The following CDH18 variants were observed in gnomAD, a reference collection of about 807,000 sequenced individuals.
The protein encoded by CDH18 is cadherin-18.
Under a neutral mutation model 67.9 loss-of-function variants are expected in CDH18, and 31 were observed. That is an observed-to-expected ratio of 0.46 (90% CI 0.34 to 0.62). CDH18 has a LOEUF of 0.62. Ranked by LOEUF, CDH18 falls within the 20% of genes least tolerant of loss-of-function variation. CDH18 has a pLI of 0.01. For missense variants in CDH18, 890 were observed against 975.5 expected (o/e 0.91, Z 1.17); for synonymous variants, 362 against 347.2 (o/e 1.04, Z -0.48).
chr5:20,403,844 C>T (rs1166453230), intron 1 of CDH18, among the ~76,000 whole-genome samples: 9 of 152,168 alleles, frequency 5.9e-5, no homozygotes, highest in African/African-American at 2.2e-4. Context: ...GCTTTAAAAA[C>T]CAGGCATTTA....
intron 8 of CDH18, among the ~76,000 whole-genome samples, chr5:19,548,040 A>T (rs1367465704): frequency 2.0e-5 from 3 of 152,166 alleles, no homozygotes; most frequent in Non-Finnish European, 4.4e-5. Flanking sequence ...TAAAACTATT[A>T]ATCAAACCAT....
At chr5:19,713,197 G>A (rs1233994834) in intron 5 of CDH18, among the ~76,000 whole-genome samples, 1 of 151,826 alleles carries the variant, frequency 6.6e-6, no homozygotes, top group Non-Finnish European at 1.5e-5. Flanking sequence ...TCTTTTATTA[G>A]GAAGAAATAG....
chr5:19,549,710 AAAGGAAGAAAGG>A (rs1488011269), intron 8 of CDH18, among the ~76,000 whole-genome samples: 4 of 151,216 alleles, frequency 2.6e-5, no homozygotes, highest in Non-Finnish European at 5.9e-5. Context: ...AGAAAGAAAG[AAAGGAAGAAAGG>A]AAGGAAGAAA....
chr5:20,252,685 C>A (rs888408259), intron 2 of CDH18, among the ~76,000 whole-genome samples: 1 of 151,892 alleles, frequency 6.6e-6, no homozygotes, highest in African/African-American at 2.4e-5. Flanking sequence ...AACCTGTAAT[C>A]CCAACACTTT....
At chr5:19,513,453 T>A (rs1297011904) in intron 10 of CDH18, among the ~76,000 whole-genome samples, 1 of 152,174 alleles carries the variant, frequency 6.6e-6, no homozygotes, top group Non-Finnish European at 1.5e-5. Flanking sequence ...ATTCTTCATT[T>A]GTTCTATTTC....
intron 6 of CDH18, among the ~76,000 whole-genome samples, chr5:19,602,035 A>G (rs912974798): frequency 6.6e-6 from 1 of 152,200 alleles, no homozygotes; most frequent in African/African-American, 2.4e-5. Context: ...CTGTAAGACC[A>G]GGAACAAAAG....
intron 3 of CDH18, among the ~76,000 whole-genome samples, chr5:19,829,636 C>A (rs570389710): frequency 6.6e-6 from 1 of 152,274 alleles, no homozygotes; most frequent in South Asian, 2.1e-4. Flanking sequence ...GGCCATACTG[C>A]CCAAAGCAGT....
At chr5:20,400,408 A>G (rs13185271) in intron 1 of CDH18, among the ~76,000 whole-genome samples, 83,215 of 151,708 alleles carry the variant, frequency 0.55, 23,224 homozygotes, top group Middle Eastern at 0.61. Context: ...AAGCCAGGAG[A>G]CGGAGGTTGC....
intron 2 of CDH18, among the ~76,000 whole-genome samples, chr5:20,235,738 A>G (rs1234917536): frequency 6.6e-6 from 1 of 152,070 alleles, no homozygotes; most frequent in Non-Finnish European, 1.5e-5. Context: ...ATAACTGAGA[A>G]TTGAACTACC....
At chr5:19,745,926 T>C (rs1017410810) in intron 4 of CDH18, among the ~76,000 whole-genome samples, 1 of 151,936 alleles carries the variant, frequency 6.6e-6, no homozygotes, top group Admixed American at 6.6e-5. Flanking sequence ...TACATATATA[T>C]ACATATACAC....
intron 2 of CDH18, among the ~76,000 whole-genome samples, chr5:20,184,385 G>A (rs1737930927): frequency 1.3e-5 from 2 of 152,034 alleles, no homozygotes; most frequent in African/African-American, 2.4e-5. Context: ...CTCTTACAAT[G>A]CAGCTCTGAA....
intron 2 of CDH18, chr5:19,877,883 C>T (rs779055853): frequency 6.6e-5 from 10 of 152,058 alleles, no homozygotes; most frequent in African/African-American, 1.9e-4. Flanking sequence ...AAAATCATTT[C>T]GCATCTCATA....
intron 1 of CDH18, among the ~76,000 whole-genome samples, chr5:20,276,942 G>T (rs1355427358): frequency 6.6e-6 from 1 of 152,134 alleles, no homozygotes; most frequent in Non-Finnish European, 1.5e-5. Flanking sequence ...TTGTGGAAAG[G>T]GGAGGAAGGA....
Position 19,547,928 on chromosome 5 carries a change from G to A in CDH18, c.1254-3923C>T, listed in dbSNP as rs569896110. Among the ~76,000 whole-genome samples, 181 of 152,272 alleles carry A rather than the reference G, an allele frequency of 1.2e-3. 3 individuals are homozygous for A. The South Asian group carries it at 0.034, about 28-fold the overall frequency. ...AAATAAAAACTCAGAAGTAAGTAAA[G>A]TGGAAATGTGAGAAAAGAGAAACTA... On this transcript the variant is annotated intron_variant, in intron 8 of 12. Transcript: ENST00000382275.
At chr5:19,704,684 T>C (rs1180846255) in intron 5 of CDH18, among the ~76,000 whole-genome samples, 2 of 152,164 alleles carry the variant, frequency 1.3e-5, no homozygotes, top group African/African-American at 4.8e-5. Context: ...GGATAGAACA[T>C]TGGTCACTAA....
intron 3 of CDH18, among the ~76,000 whole-genome samples, chr5:19,793,980 G>A (rs1008983278): frequency 4.6e-5 from 7 of 152,022 alleles, no homozygotes; most frequent in African/African-American, 1.7e-4. Flanking sequence ...AACTAAAAAA[G>A]TGGCTTAAGT....
At chr5:20,280,925 T>C (rs972156516) in intron 1 of CDH18, among the ~76,000 whole-genome samples, 39 of 152,220 alleles carry the variant, frequency 2.6e-4, no homozygotes, top group Non-Finnish European at 5.6e-4. Context: ...TGGTATCTCA[T>C]TGTGGTTTTG....
chr5:19,967,400 T>C (rs1188981506), intron 2 of CDH18, among the ~76,000 whole-genome samples: 3 of 152,118 alleles, frequency 2.0e-5, no homozygotes, highest in Non-Finnish European at 4.4e-5. Flanking sequence ...CCTGTTTTAC[T>C]GAGTGCCTTC....
chr5:20,257,467 A>G (rs912480063), intron 1 of CDH18, among the ~76,000 whole-genome samples: 3 of 122,832 alleles, frequency 2.4e-5, no homozygotes, highest in Non-Finnish European at 5.3e-5. Flanking sequence ...TGATCATTTT[A>G]TCTTGGCTCT....
Sources: gnomAD v4.1 joint callset for allele counts (sites outside exome capture counted in the v4.1 genomes callset) on GRCh38, gnomAD v4.1.1 for gene constraint, MANE v1.5 for transcripts, NCBI Gene and HGNC (gene_info 2026-07-23, HGNC 2026-07-21) for gene names.